The following CCNA1 variants were observed in gnomAD, a reference collection of about 807,000 sequenced individuals.
CCNA1 encodes the protein cyclin A1.
A neutral mutation model predicts 54.1 loss-of-function variants in CCNA1; 23 were observed. The ratio of observed to expected loss-of-function variants is 0.42; its 90% CI spans 0.31 to 0.60. The LOEUF is 0.60. Ranked by LOEUF, CCNA1 falls within the 20% of genes least tolerant of loss-of-function variation. The pLI, the probability that CCNA1 is intolerant of heterozygous loss-of-function variation, is 0.14. For missense variants in CCNA1, 450 were observed against 556.7 expected (o/e 0.81, Z 1.93); for synonymous variants, 208 against 213.9 (o/e 0.97, Z 0.24).
rs1436690146 is a variant in CCNA1, at chr13:36,432,655, G to T, written c.34G>T (p.Gly12Ter). 3 of 1,609,340 alleles carry T rather than the reference G, an allele frequency of 1.9e-6. No homozygotes were observed. Among genetic ancestry groups the T allele is most frequent in the African/African-American group, 2.7e-5 (2 of 74,762 alleles). ...CGGCTTTCCCGCAATCATGTACCCT[G>T]GATCTTTTATTGGGGGCTGGGGAGA... The change falls in exon 1 of 9, where the codon GGA (glycine) becomes TGA (stop). Residue 12 changes from glycine to a stop codon, truncating the protein, a stop_gained. The change creates a premature stop within an existing upstream ORF in the 5' untranslated region. Coordinates refer to ENST00000255465, the MANE Select transcript of CCNA1 (RefSeq NM_003914.4). LOFTEE classifies it high-confidence loss of function.
intron 2 of CCNA1, among the ~76,000 whole-genome samples, chr13:36,435,278 A>G (rs2055788850): frequency 6.6e-6 from 1 of 152,168 alleles, no homozygotes; most frequent in African/African-American, 2.4e-5. Flanking sequence ...TGCCTTTCCC[A>G]CTAACATGTA....
chr13:36,440,229 G>A (rs2282411), intron 6 of CCNA1, 46 bp downstream of exon 6: 564,055 of 1,475,718 alleles, frequency 0.38, 110,979 homozygotes, highest in Admixed American at 0.46. Context: ...GCCAAGGAGC[G>A]TAAAAATCAA....
intron 4 of CCNA1, among the ~76,000 whole-genome samples, 156 bp downstream of exon 4, chr13:36,438,347 C>T (rs1415006167): frequency 6.6e-6 from 1 of 152,088 alleles, no homozygotes; most frequent in Non-Finnish European, 1.5e-5. Context: ...GATGGCAAGT[C>T]GCAATTGCTT....
chr13:36,442,556 G>T (rs1441038163), intron 8 of CCNA1, 58 bp from the exon 9 acceptor site: 1 of 1,569,200 alleles, frequency 6.4e-7, no homozygotes, highest in East Asian at 2.2e-5. Context: ...TGTGACCTGA[G>T]ATTTTATCAA....
intron 2 of CCNA1, among the ~76,000 whole-genome samples, chr13:36,433,435 T>TTTCGTTCGTTCG (rs2055755414): frequency 1.2e-5 from 1 of 81,174 alleles, no homozygotes; most frequent in African/African-American, 4.2e-5. Context: ...TCTTTCTTTC[T>TTTCGTTCGTTCG]TTCTTTCGTT....
At chr13:36,433,434 CTTTCT>C (rs1566169652) in intron 2 of CCNA1, among the ~76,000 whole-genome samples, 1 of 96,956 alleles carries the variant, frequency 1.0e-5, no homozygotes, top group Non-Finnish European at 2.4e-5. Flanking sequence ...TTCTTTCTTT[CTTTCT>C]TTCGTTCTTT....
intron 2 of CCNA1, among the ~76,000 whole-genome samples, chr13:36,436,113 T>G (rs534409076): frequency 6.6e-6 from 1 of 152,250 alleles, no homozygotes; most frequent in African/African-American, 2.4e-5. Flanking sequence ...ATTGGCTTAC[T>G]TACTCTCCAC....
At position 36,433,231 on chromosome 13, in the gene CCNA1, C is replaced by A; in HGVS notation, c.297+10C>A. 1 of 1,603,336 alleles carries A rather than the reference C, an allele frequency of 6.2e-7. No individual in the cohort carries two copies. Among genetic ancestry groups the A allele is most frequent in the Non-Finnish European group, 8.5e-7 (1 of 1,174,446 alleles). ...GAGGACCTGTGGCCAGGTAATGACT[C>A]AGACGCATTGAGAATGATGCTTGTG... On this transcript the variant is annotated intron_variant, in intron 2 of 8. Coordinates refer to ENST00000255465, the MANE Select transcript of CCNA1 (RefSeq NM_003914.4).
chr13:36,440,146 G>A lies in CCNA1; in HGVS notation c.1061G>A (p.Arg354Gln), dbSNP rs267603812. Residue 354 changes from arginine to glutamine, a missense_variant, in exon 6 of 9, where the codon CGA becomes CAA. By Grantham distance (43) the Arg-to-Gln change is conservative. Coordinates refer to ENST00000255465, the MANE Select transcript of CCNA1 (RefSeq NM_003914.4). ...CAGTTTCTCCTTCAGTACTTGAGGC[G>A]ACAAGGAGTGTGCGTCAGGACTGAG... The A allele has an allele frequency of 2.8e-5, 46 of 1,614,058 alleles. No homozygotes were observed. The highest frequency in any genetic ancestry group is 3.6e-5 in the Non-Finnish European group (42 of 1,179,962).
In CCNA1 at chr13:36,433,106, G is replaced by A; in HGVS notation, c.182G>A (p.Arg61Gln). 2 of 1,614,194 alleles carry A rather than the reference G, an allele frequency of 1.2e-6. No homozygotes were observed. Among genetic ancestry groups the A allele is most frequent in the Non-Finnish European group, 1.7e-6 (2 of 1,180,036 alleles). The stretch of plus-strand genomic sequence containing the variant: ...GGAGTTGTGCTGGCTACAGTGGCCC[G>A]AGGTCCCGATGCTTGTCAGATACTC... The change falls in exon 2 of 9, where the codon CGA (arginine) becomes CAA (glutamine). Residue 61 changes from arginine (R) to glutamine (Q), a missense_variant. Arg to Gln is a conservative substitution (Grantham distance 43). Coordinates refer to ENST00000255465, the MANE Select transcript of CCNA1 (RefSeq NM_003914.4).
In CCNA1 at chr13:36,432,897, A is replaced by G. The variant is rs1016524436; in HGVS notation, c.109-136A>G. ...GGTCGCACCTGCCCTTTCAGCCCCA[A>G]TAATTACTGGGAAGATCAGCAATTG... On this transcript the variant is annotated intron_variant, in intron 1 of 8. Coordinates refer to ENST00000255465, the MANE Select transcript of CCNA1 (RefSeq NM_003914.4). 24 of 1,014,590 alleles carry G rather than the reference A, an allele frequency of 2.4e-5. No homozygotes were observed. The East Asian group carries it at 3.6e-4, about 15-fold the overall frequency. The allele number at this position is 1,014,590 out of a possible 1,614,324, so 62.8% of individuals were successfully genotyped here.
intron 7 of CCNA1, 134 bp downstream of exon 7, chr13:36,441,365 G>T: frequency 1.7e-6 from 1 of 580,266 alleles, no homozygotes. Context: ...GAGTCTTCCA[G>T]GTCAGTCATG....
At chr13:36,440,715 A>G (rs1035356049) in intron 6 of CCNA1, among the ~76,000 whole-genome samples, 2 of 152,188 alleles carry the variant, frequency 1.3e-5, no homozygotes, top group Non-Finnish European at 2.9e-5. Context: ...TTCTAATATG[A>G]GATATTCCCA....
upstream of CCNA1, chr13:36,432,356 C>T: frequency 3.1e-6 from 1 of 324,840 alleles, no homozygotes; most frequent in Admixed American, 4.6e-5. Flanking sequence ...GTCCTTCCCG[C>T]CCCGCCCTTC....
intron 7 of CCNA1, 142 bp downstream of exon 7, chr13:36,441,373 A>G (rs1188109057): frequency 3.5e-6 from 2 of 572,860 alleles, no homozygotes; most frequent in African/African-American, 1.9e-5. Context: ...CAGGTCAGTC[A>G]TGATGGCTTT....
At chr13:36,431,907 C>T (rs888254349), upstream of CCNA1, 3 of 152,686 alleles carry the variant, frequency 2.0e-5, no homozygotes, top group Non-Finnish European at 2.9e-5. Flanking sequence ...GCGCAGGAGA[C>T]GTTAGAGGGG....
chr13:36,435,460 G>T (rs1009579977), intron 2 of CCNA1, among the ~76,000 whole-genome samples: 1 of 152,062 alleles, frequency 6.6e-6, no homozygotes, highest in African/African-American at 2.4e-5. Flanking sequence ...TTCCTTCCTC[G>T]ACTGATCAGC....
Position 36,432,746 on chromosome 13 carries a change from A to G in CCNA1, c.108+17A>G, listed in dbSNP as rs1241722195. On this transcript the variant is annotated intron_variant, in intron 1 of 8. Coordinates refer to ENST00000255465, the MANE Select transcript of CCNA1 (RefSeq NM_003914.4). ...GTCTTCCAGGTAACGTGGGTTTAGT[A>G]TCCCGACTTGGAGGCTTGTCAGAAT... 2 of 1,499,418 alleles carry G rather than the reference A, an allele frequency of 1.3e-6. No individual in the cohort carries two copies. The highest frequency in any genetic ancestry group is 1.9e-6 in the Non-Finnish European group (2 of 1,078,226). The allele number at this position is 1,499,418 out of a possible 1,614,324, so 92.9% of individuals were successfully genotyped here.
intron 2 of CCNA1, among the ~76,000 whole-genome samples, chr13:36,435,204 C>T (rs1158689943): frequency 6.6e-6 from 1 of 152,202 alleles, no homozygotes; most frequent in Non-Finnish European, 1.5e-5. Context: ...AGTAATGGGA[C>T]AGAAGCTATC....
Sources: allele counts gnomAD v4.1 joint callset (sites outside exome capture counted in the v4.1 genomes callset), GRCh38; gene constraint gnomAD v4.1.1; transcripts MANE v1.5; gene names NCBI Gene and HGNC (gene_info 2026-07-23, HGNC 2026-07-21).